Variants in APOLD1 observed in about 807,000 individuals in gnomAD.
The protein encoded by APOLD1 is apolipoprotein L domain containing 1, also known as apolipoprotein L domain-containing protein 1.
A neutral mutation model predicts 15.3 loss-of-function variants in APOLD1; 22 were observed. The observed-to-expected ratio is 1.44, with a 90% confidence interval of 1.03 to 2.05. APOLD1 has a LOEUF of 2.05. Among genes scored for constraint, APOLD1 ranks in the 30% most tolerant of loss-of-function variants. APOLD1 has a pLI of 0.00. For missense variants in APOLD1, 394 were observed against 353.5 expected, an observed-to-expected ratio of 1.11 and a Z score of -0.92; for synonymous variants, 190 against 167.4, an observed-to-expected ratio of 1.13 and a Z score of -1.04.
upstream of APOLD1, among the ~76,000 whole-genome samples, chr12:12,784,153 G>A (rs1019514363): frequency 9.2e-5 from 14 of 152,042 alleles, no homozygotes. Flanking sequence ...GATGCTCTGA[G>A]GAAGACCCTG....
chr12:12,781,806 C>T (rs1202887818), upstream of APOLD1, among the ~76,000 whole-genome samples: 3 of 151,484 alleles, frequency 2.0e-5, no homozygotes, highest in African/African-American at 7.3e-5. Flanking sequence ...GGATTACAGG[C>T]GTGAGCCACC....
chr12:12,760,052 C>A (rs948212103), intron 1 of APOLD1, among the ~76,000 whole-genome samples: 17 of 152,224 alleles, frequency 1.1e-4, no homozygotes, highest in Non-Finnish European at 2.1e-4. Flanking sequence ...ATATACATAA[C>A]AAAAAACTTG....
chr12:12,726,197 A>C, intron 1 of APOLD1: 7 of 875,652 alleles, frequency 8.0e-6, no homozygotes, highest in East Asian at 2.9e-5. Flanking sequence ...ATAGAGGAAA[A>C]ATGTGTTATT....
At chr12:12,746,362 G>A (rs550082795) in intron 1 of APOLD1, among the ~76,000 whole-genome samples, 2 of 152,176 alleles carry the variant, frequency 1.3e-5, no homozygotes, top group Non-Finnish European at 2.9e-5. Context: ...TGCGTGTGGT[G>A]GCAGATGCCT....
chr12:12,770,699 G>A (rs563619694), intron 1 of APOLD1, among the ~76,000 whole-genome samples: 1 of 150,490 alleles, frequency 6.6e-6, no homozygotes, highest in Non-Finnish European at 1.5e-5. Flanking sequence ...AAACAATAGT[G>A]ATTGAGAATT....
chr12:12,770,365 T>A (rs4763872), intron 1 of APOLD1, among the ~76,000 whole-genome samples: 103,681 of 152,056 alleles, frequency 0.68, 35,625 homozygotes, highest in East Asian at 0.76. Context: ...AAATCGTGCC[T>A]TTGCACTACA....
intron 1 of APOLD1, among the ~76,000 whole-genome samples, chr12:12,745,264 G>A (rs1369892347): frequency 2.0e-5 from 3 of 152,178 alleles, no homozygotes; most frequent in Admixed American, 6.5e-5. Context: ...GAAGAAGGCC[G>A]GGCGAGGTGG....
intron 1 of APOLD1, among the ~76,000 whole-genome samples, chr12:12,766,622 C>G (rs769520856): frequency 5.9e-5 from 9 of 152,052 alleles, no homozygotes; most frequent in Admixed American, 2.6e-4. Flanking sequence ...GGTTATCTGC[C>G]TGGATCACCT....
intron 1 of APOLD1, among the ~76,000 whole-genome samples, chr12:12,740,216 C>T (rs1020011670): frequency 2.0e-5 from 3 of 152,020 alleles, no homozygotes; most frequent in African/African-American, 4.8e-5. Flanking sequence ...CTCCTGACCT[C>T]GTGATCCGCC....
At position 12,759,478 on chromosome 12, in the gene APOLD1, G is replaced by T. The variant is rs1946881561; in HGVS notation, c.97-27431G>T. Among the ~76,000 whole-genome samples the T allele has an allele frequency of 2.0e-5, 3 of 152,162 alleles. No individual in the cohort carries two copies. The South Asian group carries it at 6.2e-4, about 32-fold the overall frequency. ...CTGACTTTTGGTAGGATGTGATATT[G>T]ACTTAGGAATAGACAAATATGTTGA... On this transcript the variant is annotated intron_variant, in intron 1 of 1. Transcript: ENST00000326765.
At chr12:12,757,955 T>C (rs1033338093) in intron 1 of APOLD1, among the ~76,000 whole-genome samples, 2 of 149,902 alleles carry the variant, frequency 1.3e-5, no homozygotes, top group South Asian at 4.3e-4. Flanking sequence ...TTTTTTTTTT[T>C]TTTGAGACAG....
intron 1 of APOLD1, among the ~76,000 whole-genome samples, chr12:12,766,389 G>A (rs1024847349): frequency 4.6e-5 from 7 of 152,182 alleles, no homozygotes; most frequent in African/African-American, 2.4e-5. Flanking sequence ...AGGTTAAGGT[G>A]GGGGCCATAA....
At position 12,789,860 on chromosome 12, in the gene APOLD1, G is replaced by C. The variant is rs1947168353; in HGVS notation, c.*2208G>C. Reference sequence around the variant, plus strand: ...CTGAGGAAGTATAATTTCAGTACTGGGGTCGGGGAGAGGAGGTGATGTTTC... The same window carrying C: ...CTGAGGAAGTATAATTTCAGTACTGCGGTCGGGGAGAGGAGGTGATGTTTC... On this transcript the variant is annotated 3_prime_UTR_variant, in exon 2 of 2. Transcript: ENST00000356591. The C allele has an allele frequency of 6.6e-6, 1 of 152,176 alleles. No individual in the cohort carries two copies. The highest frequency in any genetic ancestry group is 2.4e-5 in the African/African-American group (1 of 41,424). The allele number at this position is 152,176 out of a possible 1,614,324, so 9.4% of individuals were successfully genotyped here.
chr12:12,763,518 G>A (rs1029367186), intron 1 of APOLD1, among the ~76,000 whole-genome samples: 2 of 151,612 alleles, frequency 1.3e-5, no homozygotes, highest in Non-Finnish European at 2.9e-5. Context: ...TGTGTGTGGG[G>A]GGGGGGAAAA....
intron 1 of APOLD1, among the ~76,000 whole-genome samples, chr12:12,752,844 C>CCA (rs1417217278): frequency 6.6e-6 from 1 of 152,206 alleles, no homozygotes; most frequent in African/African-American, 2.4e-5. Context: ...AATTCAGGTA[C>CCA]CACAGTAGGA....
chr12:12,760,630 ACT>A (rs1225389194), intron 1 of APOLD1, among the ~76,000 whole-genome samples: 5 of 147,284 alleles, frequency 3.4e-5, no homozygotes, highest in Non-Finnish European at 6.0e-5. Flanking sequence ...CAAAAGCGAA[ACT>A]CTGTCTCAAA....
chr12:12,735,229 A>G (rs1160360132), intron 1 of APOLD1, among the ~76,000 whole-genome samples: 1 of 151,902 alleles, frequency 6.6e-6, no homozygotes, highest in Non-Finnish European at 1.5e-5. Flanking sequence ...CATCTCTAAA[A>G]CAAACAAACA....
At chr12:12,783,302 TTTTG>T (rs374503813), upstream of APOLD1, among the ~76,000 whole-genome samples, 88 of 152,188 alleles carry the variant, frequency 5.8e-4, 1 homozygote, top group Middle Eastern at 6.8e-3. Flanking sequence ...CAGTTGGGTT[TTTTG>T]TTTGTTTGTT....
chr12:12,752,830 G>T (rs1016742761), intron 1 of APOLD1, among the ~76,000 whole-genome samples: 1 of 152,204 alleles, frequency 6.6e-6, no homozygotes, highest in Non-Finnish European at 1.5e-5. Flanking sequence ...CTAATAGATT[G>T]ACTAATTCAG....
Sources: allele counts gnomAD v4.1 joint callset (sites outside exome capture counted in the v4.1 genomes callset), GRCh38; gene constraint gnomAD v4.1.1; transcripts MANE v1.5; gene names NCBI Gene and HGNC (gene_info 2026-07-23, HGNC 2026-07-21).